Variants in MAP3K1 observed in about 807,000 individuals in gnomAD.
The protein encoded by MAP3K1 is MAP/ERK kinase kinase 1.
A neutral mutation model predicts 144.2 loss-of-function variants in MAP3K1; 36 were observed. The ratio of observed to expected loss-of-function variants is 0.25; its 90% confidence interval spans 0.19 to 0.33. MAP3K1 has a LOEUF of 0.33. MAP3K1 is among the 10% of genes least tolerant of loss of function. MAP3K1 has a pLI of 1.00. For synonymous variants in MAP3K1, 718 were observed against 688.7 expected, an observed-to-expected ratio of 1.04 and a Z score of -0.67; for missense variants, 1,650 against 1,881.9, an observed-to-expected ratio of 0.88 and a Z score of 2.28.
chr5:56,835,982 ATT>A (rs1746642038), intron 1 of MAP3K1, among the ~76,000 whole-genome samples: 1 of 152,284 alleles, frequency 6.6e-6, no homozygotes, highest in East Asian at 1.9e-4. Flanking sequence ...CACTCATCAA[ATT>A]TTGTAAAGAA....
chr5:56,830,309 A>T (rs897752479), intron 1 of MAP3K1, among the ~76,000 whole-genome samples: 1 of 152,232 alleles, frequency 6.6e-6, no homozygotes, highest in Admixed American at 6.5e-5. Context: ...TTATCTGAGT[A>T]GAAGATACTG....
At chr5:56,869,086 C>CAA (rs772978664) in intron 6 of MAP3K1, among the ~76,000 whole-genome samples, 35 of 139,518 alleles carry the variant, frequency 2.5e-4, no homozygotes, top group African/African-American at 6.8e-4. Context: ...CTGTCTGTAC[C>CAA]AAAAAAAAAA....
At chr5:56,874,630 T>C (rs1006056416) in intron 9 of MAP3K1, among the ~76,000 whole-genome samples, 2 of 152,206 alleles carry the variant, frequency 1.3e-5, no homozygotes, top group East Asian at 3.9e-4. Context: ...GTTTTTTGTT[T>C]GTTTGTTTGT....
intron 6 of MAP3K1, among the ~76,000 whole-genome samples, chr5:56,867,221 T>G (rs192699300): frequency 6.6e-6 from 1 of 152,302 alleles, no homozygotes; most frequent in East Asian, 1.9e-4. Context: ...ATAGAAAGTT[T>G]CTCTCTGAGG....
rs1312183898 is a variant in MAP3K1 at position 56,885,913 on chromosome 5, T to C, written c.3983-19T>C. On this transcript the variant is annotated intron_variant, in intron 16 of 19. Coordinates refer to ENST00000399503, the MANE Select transcript of MAP3K1 (RefSeq NM_005921.2). The stretch of plus-strand genomic sequence containing the variant: ...AATTCTGTCTTAAGTTTATGATAAT[T>C]ATTTCTATTGTCTTATAGGGGGATC... 1.2e-6 allele frequency: 2 copies of C among 1,609,148 alleles called. No individual in the cohort carries two copies. The highest frequency in any genetic ancestry group is 2.7e-5 in the African/African-American group (2 of 74,816).
At position 56,823,290 on chromosome 5, in the gene MAP3K1, C is replaced by T. The variant is rs1746210126; in HGVS notation, c.482+7235C>T. On this transcript the variant is annotated intron_variant, in intron 1 of 19. Coordinates refer to ENST00000399503, the MANE Select transcript of MAP3K1 (RefSeq NM_005921.2). ...GCGTGCTTTCATTTCCTCAGACTCACTCACTGCCTTCTTCTATAGGGCCCT... is the reference window on the plus strand; with the variant it reads ...GCGTGCTTTCATTTCCTCAGACTCATTCACTGCCTTCTTCTATAGGGCCCT... Among the ~76,000 whole-genome samples, 4 of 152,296 alleles carry T rather than the reference C, an allele frequency of 2.6e-5. No homozygotes were observed. The South Asian group carries it at 8.3e-4, about 32-fold the overall frequency.
In MAP3K1 at chr5:56,815,742, TGGC is replaced by T. The variant is rs746070735; in HGVS notation, c.179_181del (p.Arg60del). 7.4e-6 allele frequency: 10 copies of T among 1,357,368 alleles called. No individual in the cohort carries two copies. Among genetic ancestry groups the T allele is most frequent in the South Asian group, 3.7e-5 (2 of 54,468 alleles). 84.1% of individuals were successfully genotyped at this position (1,357,368 alleles called of 1,614,324 possible). A position where few individuals can be genotyped will look rare whatever the true frequency, so the allele number is the denominator to read the frequency against. Reference sequence around the variant, plus strand: ...CAGCGGGGGCCGCGAGCGGGCGGACTGGCGGCGGCGGCAGCTGCGCAAAGTGCG... The same window carrying T: ...CAGCGGGGGCCGCGAGCGGGCGGACTGGCGGCGGCAGCTGCGCAAAGTGCG... On this transcript the variant is annotated inframe_deletion, in exon 1 of 20. Transcript: ENST00000399503.
At chr5:56,825,908 G>T (rs1746297021) in intron 1 of MAP3K1, among the ~76,000 whole-genome samples, 1 of 151,406 alleles carries the variant, frequency 6.6e-6, no homozygotes, top group African/African-American at 2.4e-5. Flanking sequence ...CCCTCAGAAT[G>T]GTCTGCTCCC....
At chr5:56,884,326 T>A (rs1001876500) in intron 15 of MAP3K1, among the ~76,000 whole-genome samples, 1 of 152,198 alleles carries the variant, frequency 6.6e-6, no homozygotes, top group Non-Finnish European at 1.5e-5. Flanking sequence ...CTTTTTATTA[T>A]AACGAGCATA....
chr5:56,828,009 A>C (rs1445379736), intron 1 of MAP3K1, among the ~76,000 whole-genome samples: 1 of 152,138 alleles, frequency 6.6e-6, no homozygotes, highest in Non-Finnish European at 1.5e-5. Context: ...GATCCAGAAA[A>C]GTATTCAGTT....
chr5:56,821,859 A>G (rs1414073775), intron 1 of MAP3K1, among the ~76,000 whole-genome samples: 1 of 152,222 alleles, frequency 6.6e-6, no homozygotes, highest in Non-Finnish European at 1.5e-5. Context: ...CATGAATATT[A>G]GGTACCCAGA....
chr5:56,855,213 T>C (rs1055206832), intron 1 of MAP3K1, among the ~76,000 whole-genome samples: 15 of 152,008 alleles, frequency 9.9e-5, no homozygotes, highest in Admixed American at 9.2e-4. Context: ...TCTCTTACTT[T>C]CTTCTACACA....
At chr5:56,830,290 A>G (rs1326600918) in intron 1 of MAP3K1, among the ~76,000 whole-genome samples, 1 of 152,218 alleles carries the variant, frequency 6.6e-6, no homozygotes, top group Non-Finnish European at 1.5e-5. Flanking sequence ...ACAAATTAGT[A>G]GACATTTCTT....
At chr5:56,873,631 AGGATCTAAAACCAGAC>A (rs1205123303) in intron 9 of MAP3K1, among the ~76,000 whole-genome samples, 1 of 152,144 alleles carries the variant, frequency 6.6e-6, no homozygotes, top group Non-Finnish European at 1.5e-5. Flanking sequence ...TTTTAAATGT[AGGATCTAAAACCAGAC>A]GGGTCTCCAG....
At chr5:56,852,038 C>G (rs1186656479) in intron 1 of MAP3K1, 4 of 150,444 alleles carry the variant, frequency 2.7e-5, no homozygotes, top group African/African-American at 9.8e-5. Context: ...GTAGGAAATT[C>G]TTCATTGAAG....
intron 1 of MAP3K1, among the ~76,000 whole-genome samples, chr5:56,825,911 C>G (rs949906279): frequency 1.3e-5 from 2 of 152,130 alleles, no homozygotes; most frequent in African/African-American, 4.8e-5. Flanking sequence ...TCAGAATGGT[C>G]TGCTCCCGTC....
chr5:56,838,995 C>A (rs144626607), intron 1 of MAP3K1, among the ~76,000 whole-genome samples: 2,138 of 152,228 alleles, frequency 0.014, 46 homozygotes, highest in African/African-American at 0.04. Flanking sequence ...TGACATTGGT[C>A]GAGATCTTCT....
chr5:56,837,746 G>A (rs1357719043), intron 1 of MAP3K1, among the ~76,000 whole-genome samples: 1 of 152,198 alleles, frequency 6.6e-6, no homozygotes, highest in Non-Finnish European at 1.5e-5. Context: ...GCTGGGGCAG[G>A]AGACATAAGC....
chr5:56,861,571 A>T (rs1747513231), intron 3 of MAP3K1, among the ~76,000 whole-genome samples: 2 of 47,756 alleles, frequency 4.2e-5, no homozygotes, highest in Non-Finnish European at 1.1e-4. Context: ...AGACTCCTAA[A>T]AAAAAAAAAA....
Sources: allele counts gnomAD v4.1 joint callset (sites outside exome capture counted in the v4.1 genomes callset), GRCh38; gene constraint gnomAD v4.1.1; transcripts MANE v1.5; gene names NCBI Gene and HGNC (gene_info 2026-07-23, HGNC 2026-07-21).